OMA1: variants seen among roughly 807,000 people sequenced by gnomAD.
OMA1 encodes the protein metalloendopeptidase OMA1, mitochondrial.
A neutral mutation model predicts 30.9 loss-of-function variants in OMA1; 38 were observed. That is an observed-to-expected ratio of 1.23 (90% confidence interval 0.95 to 1.61). OMA1 has a LOEUF of 1.61. OMA1 is among the 40% of genes most tolerant of loss of function. The pLI is 0.00. For missense variants in OMA1, 461 were observed against 349.2 expected (o/e 1.32, Z -2.55); for synonymous variants, 173 against 121.9 (o/e 1.42, Z -2.76).
chr1:58,490,785 A>C (rs1424261500), intron 8 of OMA1, among the ~76,000 whole-genome samples: 1 of 143,086 alleles, frequency 7.0e-6, no homozygotes, highest in Non-Finnish European at 1.5e-5. Context: ...GGGGGCCAAT[A>C]GTCAACATTC....
rs145392394 is a variant in OMA1, at chr1:58,533,968, T to C, written c.996A>G (p.Ala332=). ...AGGTACTTACAGCATGCCCAAGTAC[T>C]GCATGTGCTATTTCATGGCCCAGAA... ...SFLLGHEIAH[A]VLGHAAEKAG... The change falls in exon 5 of 9, where the codon GCA becomes GCG. Residue 332 remains alanine (A), a synonymous_variant. Coordinates refer to ENST00000371226, the MANE Select transcript of OMA1 (RefSeq NM_145243.5). 10 of 872,376 alleles carry C rather than the reference T, an allele frequency of 1.1e-5. No homozygotes were observed. The highest frequency in any genetic ancestry group is 5.1e-5 in the Admixed American group (3 of 59,086). The allele number at this position is 872,376 out of a possible 1,614,324, so 54.0% of individuals were successfully genotyped here. A position where few individuals can be genotyped will look rare whatever the true frequency, so the allele number is the denominator to read the frequency against.
chr1:58,499,816 GA>G (rs557876537), intron 8 of OMA1, among the ~76,000 whole-genome samples: 110 of 148,828 alleles, frequency 7.4e-4, no homozygotes, highest in Admixed American at 1.3e-3. Context: ...CACTTGTATT[GA>G]AAAAAAAACT....
chr1:58,518,105 G>C (rs945288821), intron 7 of OMA1, among the ~76,000 whole-genome samples: 3 of 150,592 alleles, frequency 2.0e-5, no homozygotes, highest in Non-Finnish European at 4.4e-5. Context: ...AGAATCGCTT[G>C]AACACAGGAG....
chr1:58,517,054 G>A (rs1438103533), intron 7 of OMA1, among the ~76,000 whole-genome samples: 1 of 152,128 alleles, frequency 6.6e-6, no homozygotes. Context: ...AAGGATACAA[G>A]CCACAAATAA....
At chr1:58,531,056 GAGAT>G (rs371422809) in intron 5 of OMA1, among the ~76,000 whole-genome samples, 31 of 152,308 alleles carry the variant, frequency 2.0e-4, no homozygotes, top group African/African-American at 6.7e-4. Context: ...TAATGAAACT[GAGAT>G]AGAGAGAGGT....
At chr1:58,517,319 C>T (rs1299261112) in intron 7 of OMA1, among the ~76,000 whole-genome samples, 1 of 152,162 alleles carries the variant, frequency 6.6e-6, no homozygotes, top group African/African-American at 2.4e-5. Flanking sequence ...GCCATTGGTG[C>T]TCTTGAATTC....
intron 7 of OMA1, among the ~76,000 whole-genome samples, chr1:58,510,652 G>A (rs1646060080): frequency 6.6e-6 from 1 of 151,796 alleles, no homozygotes; most frequent in Non-Finnish European, 1.5e-5. Flanking sequence ...AGAAATAAAA[G>A]GCATTTAAAT....
At chr1:58,486,972 C>T (rs148102630) in intron 8 of OMA1, among the ~76,000 whole-genome samples, 1 of 152,266 alleles carries the variant, frequency 6.6e-6, no homozygotes, top group Non-Finnish European at 1.5e-5. Flanking sequence ...TAGGAAGAGT[C>T]TGGATTTTTA....
intron 1 of OMA1, among the ~76,000 whole-genome samples, chr1:58,541,124 T>A (rs1646602477): frequency 8.2e-5 from 1 of 12,258 alleles, no homozygotes; most frequent in Non-Finnish European, 2.4e-4. Flanking sequence ...TGAAACCCCG[T>A]CTCTACTAAA....
chr1:58,526,384 A>G (rs1323429517), intron 7 of OMA1, among the ~76,000 whole-genome samples: 1 of 152,142 alleles, frequency 6.6e-6, no homozygotes, highest in Middle Eastern at 3.2e-3. Flanking sequence ...TACCAGAAAC[A>G]TAACAAAGGA....
chr1:58,485,257 G>A (rs76509781), intron 8 of OMA1, among the ~76,000 whole-genome samples: 847 of 68,146 alleles, frequency 0.012, 5 homozygotes, highest in African/African-American at 0.034. Flanking sequence ...AAAAAAAAAA[G>A]CTGGCCTGGA....
At chr1:58,488,421 C>T (rs923466605) in intron 8 of OMA1, among the ~76,000 whole-genome samples, 14 of 152,106 alleles carry the variant, frequency 9.2e-5, no homozygotes, top group African/African-American at 3.1e-4. Context: ...CTGGTACACC[C>T]ATCACTCAAG....
intron 7 of OMA1, among the ~76,000 whole-genome samples, chr1:58,522,207 T>C (rs1646275562): frequency 6.6e-6 from 1 of 152,150 alleles, no homozygotes; most frequent in Non-Finnish European, 1.5e-5. Context: ...GAATAGCTAA[T>C]GGATGCTGGG....
chr1:58,499,314 CAAAAAAAAAAAAAA>C (rs58217798), intron 8 of OMA1, among the ~76,000 whole-genome samples: 4 of 69,742 alleles, frequency 5.7e-5, no homozygotes, highest in Non-Finnish European at 1.1e-4. Flanking sequence ...CACATCTCTA[CAAAAAAAAAAAAAA>C]AAAAAAAAAG....
At chr1:58,524,854 A>G (rs1251319970) in intron 7 of OMA1, among the ~76,000 whole-genome samples, 1 of 152,242 alleles carries the variant, frequency 6.6e-6, no homozygotes, top group Non-Finnish European at 1.5e-5. Context: ...GAACTGCAAG[A>G]GACCATTTAC....
At chr1:58,498,747 T>C (rs1353324288) in intron 8 of OMA1, among the ~76,000 whole-genome samples, 1 of 152,182 alleles carries the variant, frequency 6.6e-6, no homozygotes, top group African/African-American at 2.4e-5. Flanking sequence ...TTAAATAAAA[T>C]CTCAGAGATG....
rs529130097 is a variant in OMA1, at chr1:58,501,966, T to G, written c.1365+4094A>C. Among the ~76,000 whole-genome samples, 71 of 152,160 alleles carry G rather than the reference T, an allele frequency of 4.7e-4. 2 individuals carry two copies. The highest frequency in any genetic ancestry group is 2.1e-3 in the South Asian group (10 of 4,810). On this transcript the variant is annotated intron_variant, in intron 8 of 8. Coordinates refer to ENST00000371226, the MANE Select transcript of OMA1 (RefSeq NM_145243.5). ...CCCCCAGCACCAAATTTATTATCTG[T>G]CTCCCTTTACTGCAGAATAAGCTTC...
chr1:58,515,234 G>A (rs532435205), intron 7 of OMA1, among the ~76,000 whole-genome samples: 1 of 152,202 alleles, frequency 6.6e-6, no homozygotes, highest in South Asian at 2.1e-4. Context: ...ATAATCTTGA[G>A]ATAATTTCAG....
intron 8 of OMA1, among the ~76,000 whole-genome samples, chr1:58,495,009 G>T (rs1045824090): frequency 1.6e-4 from 25 of 152,106 alleles, no homozygotes; most frequent in Non-Finnish European, 1.0e-4. Context: ...GCAAAGACTT[G>T]GAACCAACCC....
Sources: gnomAD v4.1 joint callset for allele counts (sites outside exome capture counted in the v4.1 genomes callset) on GRCh38, gnomAD v4.1.1 for gene constraint, MANE v1.5 for transcripts, NCBI Gene and HGNC (gene_info 2026-07-23, HGNC 2026-07-21) for gene names.